The following CADM2 variants were observed in gnomAD, a reference collection of about 807,000 sequenced individuals.
CADM2 encodes the protein cell adhesion molecule 2, also known as immunoglobulin superfamily member 4D.
CADM2 carries 12 observed loss-of-function variants against 49.8 expected under a neutral mutation model. The ratio of observed to expected loss-of-function variants is 0.24; its 90% confidence interval spans 0.15 to 0.39. The LOEUF (loss-of-function observed/expected upper bound fraction) is 0.39. CADM2 is among the 10% of genes least tolerant of loss of function. CADM2 has a pLI of 1.00. For synonymous variants in CADM2, 214 were observed against 175.4 expected, an observed-to-expected ratio of 1.22 and a Z score of -1.74; for missense variants, 378 against 492.3, an observed-to-expected ratio of 0.77 and a Z score of 2.20.
At chr3:85,656,415 T>C (rs961848849) in intron 1 of CADM2, among the ~76,000 whole-genome samples, 1 of 151,914 alleles carries the variant, frequency 6.6e-6, no homozygotes, top group African/African-American at 2.4e-5. Context: ...AGGAGTTCGA[T>C]ACCAGCCTGG....
intron 7 of CADM2, among the ~76,000 whole-genome samples, chr3:85,960,630 A>G (rs1382008875): frequency 1.3e-5 from 2 of 152,022 alleles, no homozygotes; most frequent in African/African-American, 4.8e-5. Flanking sequence ...AGATGGTAAT[A>G]GATATTATTA....
chr3:85,964,721 T>G (rs1289597355), intron 8 of CADM2, among the ~76,000 whole-genome samples: 2 of 151,744 alleles, frequency 1.3e-5, no homozygotes, highest in Non-Finnish European at 2.9e-5. Flanking sequence ...AAGAAACATT[T>G]GCACTGTGAA....
chr3:85,905,271 A>G (rs527578485), intron 5 of CADM2, among the ~76,000 whole-genome samples: 84 of 152,286 alleles, frequency 5.5e-4, no homozygotes, highest in Non-Finnish European at 8.5e-4. Context: ...AGATCTGCGT[A>G]AAAGAAAAAA....
intron 1 of CADM2, among the ~76,000 whole-genome samples, chr3:85,482,340 G>A (rs7620172): frequency 0.05 from 7,534 of 151,752 alleles, 628 homozygotes; most frequent in African/African-American, 0.17. Flanking sequence ...GTATTTCTAA[G>A]CATCTGAATA....
chr3:85,264,261 C>G (rs2043074420), intron 1 of CADM2, among the ~76,000 whole-genome samples: 1 of 152,204 alleles, frequency 6.6e-6, no homozygotes, highest in Non-Finnish European at 1.5e-5. Flanking sequence ...CATCAACACC[C>G]AAACCTATGC....
intron 1 of CADM2, among the ~76,000 whole-genome samples, chr3:85,523,747 T>C (rs760614380): frequency 1.2e-4 from 19 of 152,074 alleles, no homozygotes; most frequent in Non-Finnish European, 2.8e-4. Context: ...TTTACTACTT[T>C]CTTTTTTACT....
At chr3:85,687,967 G>T (rs182272604) in intron 1 of CADM2, among the ~76,000 whole-genome samples, 2 of 152,184 alleles carry the variant, frequency 1.3e-5, no homozygotes, top group African/African-American at 4.8e-5. Context: ...TGTGAACTGC[G>T]CATTCCAGGG....
Position 85,375,682 on chromosome 3 carries a change from A to G in CADM2, c.62-350840A>G, listed in dbSNP as rs188309310. On this transcript the variant is annotated intron_variant, in intron 1 of 9. Coordinates refer to ENST00000383699, the MANE Select transcript of CADM2 (RefSeq NM_001167675.2). The stretch of plus-strand genomic sequence containing the variant: ...ACGAACACATTTTGAATCAGAGGCC[A>G]GTTCAACTGATTTCTTGTGTATTAA... Among the ~76,000 whole-genome samples, 437 of 152,306 alleles carry G rather than the reference A, an allele frequency of 2.9e-3. 1 individual carries two copies. Among genetic ancestry groups the G allele is most frequent in the African/African-American group, 0.01 (425 of 41,570 alleles).
chr3:85,764,098 A>C (rs2069532102), intron 2 of CADM2, among the ~76,000 whole-genome samples: 1 of 152,094 alleles, frequency 6.6e-6, no homozygotes, highest in Admixed American at 6.6e-5. Flanking sequence ...GTGTTAGTAT[A>C]TTTCTTTTCT....
chr3:85,907,000 T>C (rs2108465046), intron 5 of CADM2, among the ~76,000 whole-genome samples: 1 of 152,324 alleles, frequency 6.6e-6, no homozygotes, highest in Non-Finnish European at 1.5e-5. Context: ...GGAAGTTGGC[T>C]GTGTTCTAAA....
intron 3 of CADM2, among the ~76,000 whole-genome samples, chr3:85,854,303 C>T (rs2075220985): frequency 6.6e-6 from 1 of 152,158 alleles, no homozygotes; most frequent in African/African-American, 2.4e-5. Flanking sequence ...GATTATATTT[C>T]ATTCTACTAT....
At chr3:85,045,515 A>G (rs2035621442) in intron 1 of CADM2, among the ~76,000 whole-genome samples, 1 of 152,130 alleles carries the variant, frequency 6.6e-6, no homozygotes, top group South Asian at 2.1e-4. Context: ...TGGTATTTCT[A>G]TTTATTTTAA....
chr3:85,755,621 C>G (rs1486585143), intron 2 of CADM2, among the ~76,000 whole-genome samples: 2 of 152,018 alleles, frequency 1.3e-5, no homozygotes, highest in Admixed American at 6.6e-5. Flanking sequence ...GCTGGGTAAG[C>G]CTCAGGAAAC....
intron 1 of CADM2, among the ~76,000 whole-genome samples, chr3:85,219,419 T>A (rs1482117136): frequency 6.6e-6 from 1 of 152,202 alleles, no homozygotes; most frequent in East Asian, 1.9e-4. Context: ...AAAACAGAAC[T>A]GCACTTGCTA....
chr3:85,004,610 C>T (rs1407925836), intron 1 of CADM2, among the ~76,000 whole-genome samples: 1 of 151,130 alleles, frequency 6.6e-6, no homozygotes, highest in Non-Finnish European at 1.5e-5. Flanking sequence ...TCTTGGTAGA[C>T]CAATATCTGA....
chr3:85,995,170 G>A (rs926777575), intron 8 of CADM2, among the ~76,000 whole-genome samples: 1 of 151,886 alleles, frequency 6.6e-6, no homozygotes, highest in Non-Finnish European at 1.5e-5. Context: ...ATAGTACTTT[G>A]CCTCTTTACT....
chr3:85,111,596 A>G (rs2038460418), intron 1 of CADM2, among the ~76,000 whole-genome samples: 1 of 151,850 alleles, frequency 6.6e-6, no homozygotes, highest in Admixed American at 6.6e-5. Flanking sequence ...AGAGTGTAGA[A>G]AGATGAGGCT....
intron 1 of CADM2, among the ~76,000 whole-genome samples, chr3:85,700,066 C>G (rs1175661591): frequency 6.6e-6 from 1 of 152,102 alleles, no homozygotes; most frequent in African/African-American, 2.4e-5. Context: ...TTCACAAAAG[C>G]AAAGACTTGG....
chr3:85,614,877 A>C (rs2063760921), intron 1 of CADM2, among the ~76,000 whole-genome samples: 1 of 151,984 alleles, frequency 6.6e-6, no homozygotes, highest in Non-Finnish European at 1.5e-5. Context: ...AGTGCATAAC[A>C]GGCCCTTTTA....
Sources: allele counts gnomAD v4.1 joint callset (sites outside exome capture counted in the v4.1 genomes callset), GRCh38; gene constraint gnomAD v4.1.1; transcripts MANE v1.5; gene names NCBI Gene and HGNC (gene_info 2026-07-23, HGNC 2026-07-21).